Variants in MBTD1 observed in about 807,000 individuals in gnomAD.
MBTD1 encodes the protein mbt domain containing 1.
Under a neutral mutation model 87.8 loss-of-function variants are expected in MBTD1, and 24 were observed. That is an observed-to-expected ratio of 0.27 (90% confidence interval 0.20 to 0.38). MBTD1 has a LOEUF of 0.38. MBTD1 is among the 10% of genes least tolerant of loss of function. The pLI is 1.00. For missense variants in MBTD1, 436 were observed against 760.2 expected (o/e 0.57, Z 5.02); for synonymous variants, 237 against 248.6 (o/e 0.95, Z 0.44).
chr17:51,190,787 G>C (rs893207600), intron 16 of MBTD1, among the ~76,000 whole-genome samples: 22 of 96,536 alleles, frequency 2.3e-4, no homozygotes, highest in African/African-American at 9.6e-4. Context: ...ATCTAAGAAT[G>C]AAATGAAATA....
chr17:51,257,381 C>T (rs1261326322), intron 2 of MBTD1, among the ~76,000 whole-genome samples: 4 of 152,224 alleles, frequency 2.6e-5, no homozygotes, highest in Non-Finnish European at 5.9e-5. Context: ...CTACTGAGCA[C>T]TCTTGGCTTT....
rs71149355 is a variant in MBTD1, at chr17:51,227,242, CAAAAAAAAAAAA to C, written c.-48-2045_-48-2034del. On this transcript the variant is annotated intron_variant, in intron 2 of 16. Coordinates refer to ENST00000586178, the MANE Select transcript of MBTD1 (RefSeq NM_017643.3). ...GGGTGACAGAGCGAGACTCTGTCTC[CAAAAAAAAAAAA>C]AAAAAAAAAAAAAATTGCTTTGCTG... Among the ~76,000 whole-genome samples the C allele has an allele frequency of 3.1e-3, 357 of 115,622 alleles. 2 individuals are homozygous for C. The highest frequency in any genetic ancestry group is 8.4e-3 in the African/African-American group (248 of 29,450). 75.9% of individuals were successfully genotyped at this position (115,622 alleles called of 152,430 possible). A position where few individuals can be genotyped will look rare whatever the true frequency, so the allele number is the denominator to read the frequency against.
Position 51,225,116 on chromosome 17 carries a change from A to C in MBTD1, c.46T>G (p.Ser16Ala). 1 of 1,551,452 alleles carries C rather than the reference A, an allele frequency of 6.4e-7. No homozygotes were observed. Among genetic ancestry groups the C allele is most frequent in the Middle Eastern group, 1.7e-4 (1 of 5,990 alleles). Residue 16 changes from serine to alanine, a missense_variant, in exon 3 of 17, where the codon TCC (serine) becomes GCC (alanine). Transcript: ENST00000586178. ...TCTTCCTCACTCTCTTCGGAGCTGG[A>C]GCTGCTGCTTGTGTCCTCACTGCAG... Reference protein sequence around the residue: ...DSCSEDTSSSSSSEESEEEVA... With the variant: ...DSCSEDTSSSASSEESEEEVA...
chr17:51,212,327 C>T (rs1038229929), intron 6 of MBTD1, among the ~76,000 whole-genome samples: 20 of 146,928 alleles, frequency 1.4e-4, no homozygotes, highest in African/African-American at 4.6e-4. Flanking sequence ...CACTGCACTC[C>T]AGCCTGACTG....
intron 2 of MBTD1, among the ~76,000 whole-genome samples, chr17:51,230,249 G>A (rs900656781): frequency 6.6e-6 from 1 of 152,178 alleles, no homozygotes; most frequent in East Asian, 1.9e-4. Flanking sequence ...CAATGTGGAA[G>A]GGAATGGGAC....
At chr17:51,260,438 A>G, upstream of MBTD1, 1 of 841,178 alleles carries the variant, frequency 1.2e-6, no homozygotes, top group East Asian at 2.9e-5. Flanking sequence ...GGAGTTACGT[A>G]GAGGGAGGGA....
chr17:51,239,820 T>G (rs1268022383), intron 2 of MBTD1, among the ~76,000 whole-genome samples: 1 of 152,212 alleles, frequency 6.6e-6, no homozygotes, highest in Non-Finnish European at 1.5e-5. Context: ...CAATGTGCCT[T>G]TCCTAGTAAT....
chr17:51,258,614 C>T (rs1360580435), intron 2 of MBTD1, among the ~76,000 whole-genome samples: 2 of 152,060 alleles, frequency 1.3e-5, no homozygotes, highest in African/African-American at 4.8e-5. Context: ...ATCATCTAAT[C>T]ATCCCTCTAC....
At chr17:51,180,817 T>A in intron 16 of MBTD1, 123 bp from the exon 17 acceptor site, 3 of 665,542 alleles carry the variant, frequency 4.5e-6, no homozygotes, top group African/African-American at 1.8e-5. Context: ...CAGTTAATTT[T>A]AATTTTCCAG....
chr17:51,259,715 C>A (rs1427896398), intron 1 of MBTD1, 120 bp downstream of exon 1: 2 of 937,028 alleles, frequency 2.1e-6, no homozygotes, highest in African/African-American at 1.7e-5. Context: ...GTTGAGAGGG[C>A]GTGGGATGGA....
At chr17:51,260,557 G>C, upstream of MBTD1, 1 of 1,597,860 alleles carries the variant, frequency 6.3e-7, no homozygotes, top group Non-Finnish European at 8.5e-7. Context: ...TTCCACGTGA[G>C]CGCCTGCGTT....
chr17:51,218,764 A>G (rs982432535), intron 5 of MBTD1, among the ~76,000 whole-genome samples, 166 bp downstream of exon 5: 1 of 152,206 alleles, frequency 6.6e-6, no homozygotes, highest in Non-Finnish European at 1.5e-5. Flanking sequence ...ACTCTTCTAG[A>G]GTAATTTATT....
intron 2 of MBTD1, among the ~76,000 whole-genome samples, chr17:51,247,133 A>C (rs1191940534): frequency 6.6e-6 from 1 of 152,208 alleles, no homozygotes; most frequent in African/African-American, 2.4e-5. Flanking sequence ...GGAAGTATTC[A>C]TCCATTCCTA....
intron 16 of MBTD1, among the ~76,000 whole-genome samples, chr17:51,182,127 T>A (rs1206891442): frequency 1.5e-4 from 6 of 38,728 alleles, no homozygotes; most frequent in Admixed American, 5.5e-4. Context: ...CCCTGTGCAT[T>A]TTTTTTTTTT....
intron 2 of MBTD1, among the ~76,000 whole-genome samples, chr17:51,231,473 G>A (rs2053547558): frequency 6.6e-6 from 1 of 152,022 alleles, no homozygotes; most frequent in Non-Finnish European, 1.5e-5. Flanking sequence ...GGTCAAAGAT[G>A]TTTGGGAAAT....
intron 2 of MBTD1, among the ~76,000 whole-genome samples, chr17:51,243,682 A>G (rs1489376254): frequency 6.6e-6 from 1 of 152,094 alleles, no homozygotes; most frequent in Non-Finnish European, 1.5e-5. Flanking sequence ...GTGTCCTTTA[A>G]TCTGGAAGAT....
intron 16 of MBTD1, among the ~76,000 whole-genome samples, chr17:51,189,649 T>C (rs1172845510): frequency 1.3e-5 from 2 of 152,224 alleles, no homozygotes; most frequent in Admixed American, 6.5e-5. Flanking sequence ...CAATGTCATA[T>C]AGCCACTGAG....
At chr17:51,186,170 C>A (rs1414441131) in intron 16 of MBTD1, 2 of 152,664 alleles carry the variant, frequency 1.3e-5, no homozygotes, top group Non-Finnish European at 2.9e-5. Context: ...CTGTCATGGG[C>A]AGGCTCGACA....
In MBTD1 at chr17:51,180,374, G is replaced by T; in HGVS notation, c.*202C>A. 1 of 428,290 alleles carries T rather than the reference G, an allele frequency of 2.3e-6. No individual in the cohort carries two copies. Among genetic ancestry groups the T allele is most frequent in the East Asian group, 3.9e-5 (1 of 25,742 alleles). The allele number at this position is 428,290 out of a possible 1,614,324, so 26.5% of individuals were successfully genotyped here. On this transcript the variant is annotated 3_prime_UTR_variant, in exon 17 of 17. Transcript: ENST00000586178. ...AAGCTTCAAATACAACACAAAAATT[G>T]TCCATCTTTATAAATTGAAAATTTC...
Sources: allele counts gnomAD v4.1 joint callset (sites outside exome capture counted in the v4.1 genomes callset), GRCh38; gene constraint gnomAD v4.1.1; transcripts MANE v1.5; gene names NCBI Gene and HGNC (gene_info 2026-07-23, HGNC 2026-07-21).